LAMA2: variants seen among roughly 807,000 people sequenced by gnomAD.
LAMA2 encodes the protein laminin subunit alpha-2.
In LAMA2, 269 loss-of-function variants were observed where a neutral mutation model predicts 364.8. That is an observed-to-expected ratio of 0.74 (90% confidence interval 0.67 to 0.82). LAMA2 has a LOEUF of 0.82. LAMA2 is among the 40% of genes least tolerant of loss of function. The pLI, the probability that LAMA2 is intolerant of heterozygous loss-of-function variation, is 0.00. For synonymous variants in LAMA2, 1,379 were observed against 1,370.6 expected (o/e 1.01, Z -0.14); for missense variants, 3,807 against 3,873.2 (o/e 0.98, Z 0.45).
intron 4 of LAMA2, among the ~76,000 whole-genome samples, chr6:129,100,623 G>A (rs979676333): frequency 6.6e-6 from 1 of 152,088 alleles, no homozygotes; most frequent in African/African-American, 2.4e-5. Flanking sequence ...AATCTGGTAA[G>A]GATTAAAAGT....
At chr6:129,472,772 C>T (rs1274264888) in intron 51 of LAMA2, among the ~76,000 whole-genome samples, 1 of 151,912 alleles carries the variant, frequency 6.6e-6, no homozygotes, top group Non-Finnish European at 1.5e-5. Context: ...GAGTCTAAAT[C>T]CCAGTAGTTC....
intron 38 of LAMA2, 85 bp from the exon 39 acceptor site, chr6:129,402,239 G>A (rs1780021269): frequency 1.6e-5 from 13 of 834,884 alleles, no homozygotes; most frequent in East Asian, 5.5e-5. Context: ...TAAACTAAAC[G>A]TGTAGTTATG....
chr6:128,939,728 CG>C (rs1780044613), intron 1 of LAMA2, among the ~76,000 whole-genome samples: 1 of 151,932 alleles, frequency 6.6e-6, no homozygotes, highest in Admixed American at 6.6e-5. Context: ...TGAGTAGAGA[CG>C]GGAATAGGCA....
intron 12 of LAMA2, among the ~76,000 whole-genome samples, chr6:129,242,614 AT>A (rs1350722423): frequency 6.6e-6 from 1 of 152,134 alleles, no homozygotes; most frequent in African/African-American, 2.4e-5. Context: ...GATAACATGT[AT>A]TTTTTGCACT....
intron 1 of LAMA2, among the ~76,000 whole-genome samples, chr6:128,972,017 C>A (rs1382187548): frequency 6.6e-6 from 1 of 152,134 alleles, no homozygotes; most frequent in Non-Finnish European, 1.5e-5. Context: ...AGGGTTATGG[C>A]TGTGCCACCA....
chr6:129,166,273 A>C (rs950508808), intron 9 of LAMA2, among the ~76,000 whole-genome samples: 2 of 152,128 alleles, frequency 1.3e-5, no homozygotes, highest in Non-Finnish European at 2.9e-5. Context: ...TGCCAACATA[A>C]CTCCTTGATA....
At chr6:128,925,344 A>C (rs1351982785) in intron 1 of LAMA2, among the ~76,000 whole-genome samples, 1 of 152,188 alleles carries the variant, frequency 6.6e-6, no homozygotes, top group Admixed American at 6.5e-5. Flanking sequence ...AAGAGAGGAA[A>C]TTCTGACACA....
chr6:129,335,961 G>T (rs572780716), intron 29 of LAMA2, among the ~76,000 whole-genome samples: 1 of 152,098 alleles, frequency 6.6e-6, no homozygotes, highest in South Asian at 2.1e-4. Context: ...AGTGACTAGG[G>T]GTCATGTATG....
Position 129,123,434 on chromosome 6 carries a change from G to A in LAMA2, c.640-20467G>A, listed in dbSNP as rs186799827. ...ATCTCAAAGAGATATCTGCATTTCC[G>A]TATTCATTTTAGCATTATTCACAAT... On this transcript the variant is annotated intron_variant, in intron 4 of 64. Coordinates refer to ENST00000421865, the MANE Select transcript of LAMA2 (RefSeq NM_000426.4). Among the ~76,000 whole-genome samples the A allele has an allele frequency of 3.8e-4, 58 of 151,590 alleles. No homozygotes were observed. The East Asian group carries it at 6.2e-3, about 16-fold the overall frequency.
At chr6:129,387,267 A>G (rs887841691) in intron 35 of LAMA2, among the ~76,000 whole-genome samples, 4 of 152,188 alleles carry the variant, frequency 2.6e-5, no homozygotes, top group Admixed American at 2.6e-4. Flanking sequence ...CAACCCATCA[A>G]AAGAAGACAT....
chr6:129,143,507 A>G lies in LAMA2; in HGVS notation c.640-394A>G, dbSNP rs117095634. 3.7e-4 allele frequency among the ~76,000 whole-genome samples: 56 copies of G among 152,132 alleles called. No individual in the cohort carries two copies. The East Asian group carries it at 0.011, about 29-fold the overall frequency. ...GGTTCCTTTTTTAATCTGATATTTTATAACTTTTTCCCCAAGTTTTCTGGT... is the reference window on the plus strand; with the variant it reads ...GGTTCCTTTTTTAATCTGATATTTTGTAACTTTTTCCCCAAGTTTTCTGGT... On this transcript the variant is annotated intron_variant, in intron 4 of 64. Coordinates refer to ENST00000421865, the MANE Select transcript of LAMA2 (RefSeq NM_000426.4).
chr6:129,438,482 T>A (rs941870681), intron 41 of LAMA2, among the ~76,000 whole-genome samples, 164 bp from the exon 42 acceptor site: 10 of 151,992 alleles, frequency 6.6e-5, no homozygotes, highest in African/African-American at 2.2e-4. Flanking sequence ...CACATATTTT[T>A]AAAATATGAT....
intron 29 of LAMA2, among the ~76,000 whole-genome samples, chr6:129,336,722 A>C (rs1055470984): frequency 1.4e-4 from 22 of 152,226 alleles, no homozygotes; most frequent in African/African-American, 5.1e-4. Flanking sequence ...AAGATTGAAA[A>C]TATGAGCCAG....
chr6:129,126,930 G>A (rs547932904), intron 4 of LAMA2, among the ~76,000 whole-genome samples: 12 of 152,238 alleles, frequency 7.9e-5, no homozygotes, highest in East Asian at 7.7e-4. Flanking sequence ...AGCAAAGTGC[G>A]GTGGTGTGCA....
chr6:129,510,169 A>AAATT (rs901005744), intron 62 of LAMA2, among the ~76,000 whole-genome samples: 3 of 152,192 alleles, frequency 2.0e-5, no homozygotes, highest in African/African-American at 7.2e-5. Flanking sequence ...GGAAGAAGTC[A>AAATT]AATTATCCTT....
chr6:129,164,252 G>A lies in LAMA2; in HGVS notation c.1207-1324G>A, dbSNP rs563060238. On this transcript the variant is annotated intron_variant, in intron 8 of 64. Transcript: ENST00000421865. ...ACAGCATAGATATGCTGGACAAGGG[G>A]ATGATTCATATCCCTGGTGCGACAG... is the stretch of plus-strand genomic sequence containing the variant. Among the ~76,000 whole-genome samples the A allele has an allele frequency of 3.3e-5, 5 of 152,260 alleles. No homozygotes were observed. The South Asian group carries it at 1.0e-3, about 32-fold the overall frequency.
intron 12 of LAMA2, among the ~76,000 whole-genome samples, chr6:129,206,300 T>G (rs1782672052): frequency 6.6e-6 from 1 of 152,166 alleles, no homozygotes; most frequent in South Asian, 2.1e-4. Flanking sequence ...CATCTAGCAT[T>G]TGCATCAAGG....
chr6:129,402,598 A>G, intron 39 of LAMA2, 111 bp downstream of exon 39: 2 of 1,100,904 alleles, frequency 1.8e-6, no homozygotes, highest in Non-Finnish European at 2.7e-6. Context: ...GTTAATTATG[A>G]ACACACTAGC....
In LAMA2 at chr6:129,342,298, T is replaced by TTAA; in HGVS notation, c.4312-45_4312-44insTAA. 1.9e-6 allele frequency: 3 copies of TTAA among 1,569,262 alleles called. No individual in the cohort carries two copies. In the Admixed American group the frequency reaches 5.0e-5, roughly 26 times the overall value. On this transcript the variant is annotated intron_variant, in intron 29 of 64. Transcript: ENST00000421865. ...ACTGTATGATAAATTACATTCTAAC[T>TTAA]ATCACTAAATTAAAAACAAACTTCT...
Sources: gnomAD v4.1 joint callset for allele counts (sites outside exome capture counted in the v4.1 genomes callset) on GRCh38, gnomAD v4.1.1 for gene constraint, MANE v1.5 for transcripts, NCBI Gene and HGNC (gene_info 2026-07-23, HGNC 2026-07-21) for gene names.